The following TXNDC9 variants were observed in gnomAD, a reference collection of about 807,000 sequenced individuals.
TXNDC9 encodes the protein thioredoxin domain containing 9.
Under a neutral mutation model 23.0 loss-of-function variants are expected in TXNDC9, and 7 were observed. That is an observed-to-expected ratio of 0.30 (90% CI 0.17 to 0.57). The LOEUF is 0.57. TXNDC9 is among the 20% of genes least tolerant of loss of function. The probability of loss-of-function intolerance (pLI) is 0.90; values close to 1 mark genes in which losing one functional copy is unlikely to be tolerated. For synonymous variants in TXNDC9, 72 were observed against 90.6 expected (o/e 0.79, Z 1.17); for missense variants, 198 against 252.6 (o/e 0.78, Z 1.47).
chr2:99,333,717 C>T (rs1032312383), intron 1 of TXNDC9, among the ~76,000 whole-genome samples: 1 of 152,188 alleles, frequency 6.6e-6, no homozygotes, highest in African/African-American at 2.4e-5. Flanking sequence ...GAGCAAAACA[C>T]AGATTTTTTT....
At chr2:99,334,373 A>C (rs1182380401) in intron 1 of TXNDC9, among the ~76,000 whole-genome samples, 1 of 152,122 alleles carries the variant, frequency 6.6e-6, no homozygotes, top group Admixed American at 6.5e-5. Context: ...AAAACCAAAA[A>C]CCCACAAAAC....
chr2:99,316,903 C>T (rs962331437), downstream of TXNDC9, among the ~76,000 whole-genome samples: 1 of 152,098 alleles, frequency 6.6e-6, no homozygotes, highest in Admixed American at 6.5e-5. Flanking sequence ...ACTACAGGCG[C>T]CCGCCACCAC....
At chr2:99,310,966 G>T in the TXNDC9 span, among the ~76,000 whole-genome samples, 1 of 152,066 alleles carries the variant, frequency 6.6e-6, no homozygotes. Context: ...GCTGTTTCCA[G>T]TCTTCTTGAT....
At chr2:99,330,027 C>T (rs1431244994) in intron 2 of TXNDC9, among the ~76,000 whole-genome samples, 4 of 151,368 alleles carry the variant, frequency 2.6e-5, no homozygotes, top group South Asian at 4.2e-4. Flanking sequence ...CAGTGGCTCA[C>T]GCCTGTAATA....
chr2:99,314,788 G>A (rs1260816666), downstream of TXNDC9, among the ~76,000 whole-genome samples: 1 of 151,728 alleles, frequency 6.6e-6, no homozygotes, highest in East Asian at 1.9e-4. Context: ...GGATGTCATT[G>A]TGGTTTGGAT....
chr2:99,334,630 T>C (rs2094234204), intron 1 of TXNDC9, among the ~76,000 whole-genome samples: 1 of 152,202 alleles, frequency 6.6e-6, no homozygotes, highest in Admixed American at 6.5e-5. Flanking sequence ...TATTACAATC[T>C]CATAAAACTG....
intron 3 of TXNDC9, among the ~76,000 whole-genome samples, chr2:99,324,198 T>C (rs2094208646): frequency 6.6e-6 from 1 of 152,112 alleles, no homozygotes; most frequent in Non-Finnish European, 1.5e-5. Flanking sequence ...GGCAGTGGAG[T>C]TGGGAAACAT....
At position 99,322,029 on chromosome 2, in the gene TXNDC9, G is replaced by A; in HGVS notation, c.489C>T (p.Asp163=). ...KTQDYVVGFT[D]LGNTDDFTTE... ...TGGTGAAGTCATCTGTATTTCCTAG[G>A]TCAGTAAACCCAACAACATAATCTT... Residue 163 remains aspartate, a synonymous_variant, in exon 4 of 5, where the codon GAC becomes GAT. Transcript: ENST00000264255. 3 of 1,614,096 alleles carry A rather than the reference G, an allele frequency of 1.9e-6. No individual in the cohort carries two copies. Among genetic ancestry groups the A allele is most frequent in the East Asian group, 4.5e-5 (2 of 44,864 alleles).
At chr2:99,311,316 C>A in the TXNDC9 span, among the ~76,000 whole-genome samples, 1 of 152,050 alleles carries the variant, frequency 6.6e-6, no homozygotes. Flanking sequence ...GAGGCAGGGT[C>A]TCTCTCTGTC....
intron 3 of TXNDC9, among the ~76,000 whole-genome samples, chr2:99,323,367 G>A (rs867868850): frequency 3.3e-5 from 5 of 150,932 alleles, no homozygotes; most frequent in South Asian, 4.2e-4. Flanking sequence ...AAACTGTGCC[G>A]TTGTACTCCA....
chr2:99,332,921 T>C (rs1174895591), intron 2 of TXNDC9, 101 bp downstream of exon 2: 4 of 1,042,284 alleles, frequency 3.8e-6, no homozygotes, highest in Admixed American at 2.3e-5. Context: ...TTAAAAACCC[T>C]AAACACAAAG....
At chr2:99,333,373 TTGA>T (rs2094230533) in intron 1 of TXNDC9, 131 bp from the exon 2 acceptor site, 1 of 692,868 alleles carries the variant, frequency 1.4e-6, no homozygotes. Context: ...ATCCAAGCAC[TTGA>T]TGCTGGGCTT....
downstream of TXNDC9, among the ~76,000 whole-genome samples, chr2:99,317,650 T>C (rs1429301987): frequency 6.6e-6 from 1 of 152,136 alleles, no homozygotes; most frequent in Non-Finnish European, 1.5e-5. Flanking sequence ...ATTTTTTTTT[T>C]CATTTTTTAT....
chr2:99,324,693 C>A (rs2094209567), intron 3 of TXNDC9, among the ~76,000 whole-genome samples: 2 of 152,168 alleles, frequency 1.3e-5, no homozygotes, highest in South Asian at 2.1e-4. Flanking sequence ...CCTGGCTCAG[C>A]CTCCTAAGAA....
At chr2:99,309,902 T>G in the TXNDC9 span, among the ~76,000 whole-genome samples, 2 of 152,012 alleles carry the variant, frequency 1.3e-5, no homozygotes, top group Non-Finnish European at 2.9e-5. Flanking sequence ...GTCAAGCTGG[T>G]TTGAACTCCT....
chr2:99,321,846 A>G, intron 4 of TXNDC9, 109 bp downstream of exon 4: 1 of 1,251,866 alleles, frequency 8.0e-7, no homozygotes, highest in Non-Finnish European at 1.1e-6. Context: ...TCCACATCTC[A>G]GCCAAAATGC....
the TXNDC9 span, among the ~76,000 whole-genome samples, chr2:99,313,259 A>G: frequency 6.6e-6 from 1 of 152,196 alleles, no homozygotes; most frequent in Non-Finnish European, 1.5e-5. Context: ...AAATAGAGAC[A>G]GAGTCTTGCT....
the TXNDC9 span, among the ~76,000 whole-genome samples, chr2:99,313,177 A>C: frequency 2.6e-5 from 4 of 151,946 alleles, no homozygotes; most frequent in Non-Finnish European, 4.4e-5. Context: ...AAACAAACAA[A>C]AACAACAACA....
chr2:99,321,606 A>C (rs910751358), intron 4 of TXNDC9: 1 of 171,930 alleles, frequency 5.8e-6, no homozygotes, highest in Non-Finnish European at 1.2e-5. Context: ...TCATTTGAGC[A>C]ATCTGGCTTA....
Sources: gnomAD v4.1 joint callset for allele counts (sites outside exome capture counted in the v4.1 genomes callset) on GRCh38, gnomAD v4.1.1 for gene constraint, MANE v1.5 for transcripts, NCBI Gene and HGNC (gene_info 2026-07-23, HGNC 2026-07-21) for gene names.